Variants in ENOX1 observed in about 807,000 individuals in gnomAD.
ENOX1 encodes ecto-NOX disulfide-thiol exchanger 1, also known as candidate growth-related and time keeping constitutive hydroquinone (NADH) oxidase.
Under a neutral mutation model 82.5 loss-of-function variants are expected in ENOX1, and 42 were observed. The ratio of observed to expected loss-of-function variants is 0.51; its 90% CI spans 0.40 to 0.66. ENOX1 has a LOEUF of 0.66. Among genes scored for constraint, ENOX1 ranks in the 30% least tolerant of loss-of-function variants. The pLI is 0.00. For synonymous variants in ENOX1, 271 were observed against 282.2 expected (o/e 0.96, Z 0.40); for missense variants, 608 against 811.6 (o/e 0.75, Z 3.05).
At chr13:43,222,431 C>T (rs530203478) in intron 16 of ENOX1, among the ~76,000 whole-genome samples, 117 of 151,880 alleles carry the variant, frequency 7.7e-4, no homozygotes, top group African/African-American at 2.7e-3. Context: ...CACTGGTGAT[C>T]ATCATAGATT....
chr13:43,503,576 C>T (rs180750882), intron 2 of ENOX1, among the ~76,000 whole-genome samples: 85 of 151,732 alleles, frequency 5.6e-4, no homozygotes, highest in African/African-American at 1.9e-3. Flanking sequence ...AGAATAAACC[C>T]AGGCATGTAA....
At chr13:43,625,116 C>CT (rs2082908523) in intron 2 of ENOX1, among the ~76,000 whole-genome samples, 1 of 151,942 alleles carries the variant, frequency 6.6e-6, no homozygotes, top group African/African-American at 2.4e-5. Context: ...CTAAGTAACT[C>CT]TTTTTAGAGC....
intron 2 of ENOX1, among the ~76,000 whole-genome samples, chr13:43,526,158 G>A (rs982932940): frequency 2.0e-5 from 3 of 152,114 alleles, no homozygotes; most frequent in African/African-American, 7.2e-5. Context: ...TCTTTCAATA[G>A]TGGCAGACAA....
chr13:43,592,341 A>G (rs974963656), intron 2 of ENOX1, among the ~76,000 whole-genome samples: 3 of 152,228 alleles, frequency 2.0e-5, no homozygotes, highest in African/African-American at 7.2e-5. Context: ...GCAATAAAAA[A>G]TTTAAAATCT....
intron 2 of ENOX1, among the ~76,000 whole-genome samples, chr13:43,515,499 T>C (rs570456405): frequency 6.6e-6 from 1 of 152,310 alleles, no homozygotes; most frequent in East Asian, 1.9e-4. Flanking sequence ...ACTTATATAA[T>C]ATTTTCTACA....
intron 1 of ENOX1, among the ~76,000 whole-genome samples, chr13:43,721,587 C>G (rs556536505): frequency 6.6e-6 from 1 of 151,824 alleles, no homozygotes; most frequent in Non-Finnish European, 1.5e-5. Context: ...ACCGTTTTAG[C>G]CGGGATGGTC....
At chr13:43,580,702 A>G (rs1052573126) in intron 2 of ENOX1, among the ~76,000 whole-genome samples, 3 of 152,206 alleles carry the variant, frequency 2.0e-5, no homozygotes, top group African/African-American at 7.2e-5. Context: ...CACTGTTTGC[A>G]CGCAATTATT....
chr13:43,464,453 G>A (rs545873023), intron 3 of ENOX1, among the ~76,000 whole-genome samples: 121 of 152,196 alleles, frequency 8.0e-4, no homozygotes, highest in African/African-American at 2.8e-3. Context: ...AGGCAGCCTG[G>A]AAGGGAGTGA....
intron 1 of ENOX1, among the ~76,000 whole-genome samples, chr13:43,781,656 G>A (rs561765776): frequency 9.9e-5 from 15 of 152,076 alleles, no homozygotes; most frequent in Non-Finnish European, 1.6e-4. Flanking sequence ...TGGGATTACA[G>A]GCATGCACCA....
chr13:43,708,186 G>C (rs926115266), intron 1 of ENOX1, among the ~76,000 whole-genome samples: 1 of 152,194 alleles, frequency 6.6e-6, no homozygotes, highest in African/African-American at 2.4e-5. Flanking sequence ...CCTTGCTCTA[G>C]GAACATTTGT....
At chr13:43,265,513 TTAAGTA>T (rs1244730968) in intron 13 of ENOX1, 59 bp from the exon 14 acceptor site, 5 of 1,392,006 alleles carry the variant, frequency 3.6e-6, no homozygotes, top group Non-Finnish European at 5.1e-6. Flanking sequence ...AGCAAATCTC[TTAAGTA>T]TATCATCTTG....
chr13:43,300,712 G>A lies in ENOX1; in HGVS notation c.1262-2182C>T, dbSNP rs78260029. Among the ~76,000 whole-genome samples, 235 of 152,304 alleles carry A rather than the reference G, an allele frequency of 1.5e-3. 2 individuals carry two copies. The Middle Eastern group carries it at 0.024, about 15-fold the overall frequency. Reference sequence around the variant, plus strand: ...TGGCCAATTGAGAACCACTGACAGCGCTTGGAGTAGTGGAAGGACATGATG... The same window carrying A: ...TGGCCAATTGAGAACCACTGACAGCACTTGGAGTAGTGGAAGGACATGATG... On this transcript the variant is annotated intron_variant, in intron 11 of 16. Coordinates refer to ENST00000690772, the MANE Select transcript of ENOX1 (RefSeq NM_001347969.2).
At chr13:43,299,844 G>A (rs1188679201) in intron 11 of ENOX1, among the ~76,000 whole-genome samples, 7 of 152,150 alleles carry the variant, frequency 4.6e-5, no homozygotes, top group Non-Finnish European at 8.8e-5. Flanking sequence ...ACACCAGGTC[G>A]TCAGTGCATG....
intron 2 of ENOX1, among the ~76,000 whole-genome samples, chr13:43,554,578 G>A (rs527957487): frequency 6.6e-6 from 1 of 152,044 alleles, no homozygotes; most frequent in Non-Finnish European, 1.5e-5. Flanking sequence ...CTCCAATCAG[G>A]TTTTGTTTTT....
intron 3 of ENOX1, among the ~76,000 whole-genome samples, chr13:43,416,185 C>T (rs142715144): frequency 0.011 from 1,475 of 132,628 alleles, 75 homozygotes; most frequent in African/African-American, 0.041. Context: ...CAGAAGCGCT[C>T]CTCACATCCC....
At chr13:43,454,028 T>G (rs2057102937) in intron 3 of ENOX1, among the ~76,000 whole-genome samples, 1 of 152,110 alleles carries the variant, frequency 6.6e-6, no homozygotes, top group African/African-American at 2.4e-5. Context: ...ACCATCAGCT[T>G]CTTCCTCTCT....
intron 2 of ENOX1, among the ~76,000 whole-genome samples, chr13:43,618,014 G>A (rs1021465115): frequency 6.6e-6 from 1 of 151,908 alleles, no homozygotes; most frequent in Non-Finnish European, 1.5e-5. Context: ...CATGTTTCTT[G>A]GCCATTTGTA....
chr13:43,710,873 T>G (rs1285193045), intron 1 of ENOX1, among the ~76,000 whole-genome samples: 2 of 140,720 alleles, frequency 1.4e-5, no homozygotes, highest in African/African-American at 5.0e-5. Flanking sequence ...AGAAATACCT[T>G]TTTTTTTTGG....
chr13:43,437,695 C>T (rs539223386), intron 3 of ENOX1, among the ~76,000 whole-genome samples: 1 of 152,244 alleles, frequency 6.6e-6, no homozygotes, highest in South Asian at 2.1e-4. Flanking sequence ...GGGTTTATGG[C>T]GGACCGATTT....
Sources: gnomAD v4.1 joint callset for allele counts (sites outside exome capture counted in the v4.1 genomes callset) on GRCh38, gnomAD v4.1.1 for gene constraint, MANE v1.5 for transcripts, NCBI Gene and HGNC (gene_info 2026-07-23, HGNC 2026-07-21) for gene names.